The following ANKEF1 variants were observed in gnomAD, a reference collection of about 807,000 sequenced individuals.
The protein encoded by ANKEF1 is ankyrin repeat and EF-hand domain containing 1.
ANKEF1 carries 43 observed loss-of-function variants against 65.1 expected under a neutral mutation model. The ratio of observed to expected loss-of-function variants is 0.66; its 90% confidence interval spans 0.52 to 0.85. The LOEUF (loss-of-function observed/expected upper bound fraction) is 0.85. Among genes scored for constraint, ANKEF1 ranks in the 40% least tolerant of loss-of-function variants. The pLI, the probability that ANKEF1 is intolerant of heterozygous loss-of-function variation, is 0.00. For missense variants in ANKEF1, 934 were observed against 952.9 expected (o/e 0.98, Z 0.26); for synonymous variants, 316 against 341.5 (o/e 0.93, Z 0.82).
intron 8 of ANKEF1, 43 bp from the exon 9 acceptor site, chr20:10,053,069 A>G (rs750228630): frequency 1.3e-6 from 2 of 1,524,812 alleles, no homozygotes; most frequent in Non-Finnish European, 1.8e-6. Flanking sequence ...TTTATCATTA[A>G]TATGTTTATA....
At chr20:10,055,264 C>T (rs796905891) in intron 10 of ANKEF1, among the ~76,000 whole-genome samples, 6 of 152,038 alleles carry the variant, frequency 3.9e-5, no homozygotes, top group Non-Finnish European at 5.9e-5. Flanking sequence ...ATAATATTTC[C>T]GACATTATTT....
intron 6 of ANKEF1, 90 bp from the exon 7 acceptor site, chr20:10,049,300 G>T: frequency 8.0e-7 from 1 of 1,246,164 alleles, no homozygotes; most frequent in Non-Finnish European, 1.1e-6. Flanking sequence ...TACTAATCAC[G>T]AGAAATTAAG....
At chr20:10,052,316 A>G (rs1314627223) in intron 8 of ANKEF1, among the ~76,000 whole-genome samples, 1 of 84,610 alleles carries the variant, frequency 1.2e-5, no homozygotes, top group Non-Finnish European at 2.4e-5. Flanking sequence ...ACCAGTTTGC[A>G]GATGACACTG....
At chr20:10,038,699 A>G (rs1199122142) in intron 3 of ANKEF1, 52 bp downstream of exon 3, 1 of 1,389,476 alleles carries the variant, frequency 7.2e-7, no homozygotes. Flanking sequence ...TTGTAGCCAG[A>G]AAGCAATAAC....
intron 10 of ANKEF1, 113 bp from the exon 11 acceptor site, chr20:10,055,389 A>G: frequency 1.0e-6 from 1 of 974,342 alleles, no homozygotes; most frequent in Non-Finnish European, 1.5e-6. Flanking sequence ...TTAAGTTAAA[A>G]CTATAAACAA....
intron 4 of ANKEF1, among the ~76,000 whole-genome samples, chr20:10,043,723 A>G (rs539380995): frequency 1.8e-4 from 24 of 135,590 alleles, no homozygotes; most frequent in African/African-American, 6.3e-4. Context: ...CAGTGGTCCA[A>G]TCTTGGCTCA....
In ANKEF1 at chr20:10,055,694, G is replaced by A; in HGVS notation, c.*34G>A. On this transcript the variant is annotated 3_prime_UTR_variant, in exon 11 of 11. Coordinates refer to ENST00000378392, the MANE Select transcript of ANKEF1 (RefSeq NM_022096.6). The stretch of plus-strand genomic sequence containing the variant: ...AGTTATTTCTTGGGGTAAATGCTTT[G>A]AGGCCCAGGGACCAATCTTTGGAGA... The A allele has an allele frequency of 6.2e-7, 1 of 1,610,694 alleles. No homozygotes were observed. The highest frequency in any genetic ancestry group is 8.5e-7 in the Non-Finnish European group (1 of 1,177,346).
At chr20:10,043,424 G>C in intron 4 of ANKEF1, 103 bp downstream of exon 4, 3 of 1,079,372 alleles carry the variant, frequency 2.8e-6, no homozygotes, top group Non-Finnish European at 1.3e-6. Context: ...CTGATAGACT[G>C]TTCATTTTGA....
chr20:10,053,417 T>G (rs1984980255), intron 9 of ANKEF1, 142 bp downstream of exon 9: 2 of 608,724 alleles, frequency 3.3e-6, no homozygotes, highest in Non-Finnish European at 5.2e-6. Flanking sequence ...CATTATTATA[T>G]AGTACTTTTA....
intron 3 of ANKEF1, among the ~76,000 whole-genome samples, chr20:10,041,662 A>G (rs909806001): frequency 6.6e-6 from 1 of 152,190 alleles, no homozygotes; most frequent in Admixed American, 6.5e-5. Flanking sequence ...AATTTTTGAT[A>G]AATTATATTA....
At chr20:10,045,253 C>T (rs748829025) in intron 5 of ANKEF1, among the ~76,000 whole-genome samples, 2 of 152,086 alleles carry the variant, frequency 1.3e-5, no homozygotes, top group African/African-American at 4.8e-5. Flanking sequence ...AATGGTAGTG[C>T]CCCCTCTAAG....
intron 5 of ANKEF1, 115 bp downstream of exon 5, chr20:10,044,658 T>TA: frequency 2.2e-6 from 2 of 919,196 alleles, no homozygotes; most frequent in Non-Finnish European, 3.1e-6. Flanking sequence ...CTGAGTTACC[T>TA]ATGTTGTTTT....
Position 10,053,200 on chromosome 20 carries a change from A to T in ANKEF1, c.1959A>T (p.Pro653=). ...IKEKLDNLPK[P]AENQKLKGKT... ...AAAAGCTAGATAACTTGCCGAAACC[A>T]GCAGAAAATCAAAAACTAAAAGGCA... is the stretch of plus-strand genomic sequence containing the variant. The change falls in exon 9 of 11, where the codon CCA becomes CCT. Residue 653 remains proline (P), a synonymous_variant. Transcript: ENST00000378392. The T allele has an allele frequency of 3.1e-6, 5 of 1,613,784 alleles. No homozygotes were observed. Among genetic ancestry groups the T allele is most frequent in the Non-Finnish European group, 4.2e-6 (5 of 1,179,788 alleles).
chr20:10,051,978 T>C, intron 8 of ANKEF1, 89 bp downstream of exon 8: 1 of 1,015,334 alleles, frequency 9.8e-7, no homozygotes, highest in Non-Finnish European at 1.4e-6. Flanking sequence ...CTCGTAGGCT[T>C]GCATTGTCCA....
chr20:10,050,924 A>T (rs1198088816), intron 7 of ANKEF1, among the ~76,000 whole-genome samples: 2 of 152,170 alleles, frequency 1.3e-5, no homozygotes, highest in Non-Finnish European at 2.9e-5. Context: ...AAATATTTTT[A>T]AAATATCAAA....
At position 10,056,777 on chromosome 20, in the gene ANKEF1, A is replaced by G. The variant is rs1024700385; in HGVS notation, c.*1117A>G. The G allele has an allele frequency of 6.6e-6, 1 of 152,184 alleles. No individual in the cohort carries two copies. Among genetic ancestry groups the G allele is most frequent in the East Asian group, 1.9e-4 (1 of 5,192 alleles). 9.4% of individuals were successfully genotyped at this position (152,184 alleles called of 1,614,324 possible). Reference sequence around the variant, plus strand: ...TTACCTAACCAGATTACGATTGTGAAAATTTCAACTGTTGTTAAAGCGACT... The same window carrying G: ...TTACCTAACCAGATTACGATTGTGAGAATTTCAACTGTTGTTAAAGCGACT... On this transcript the variant is annotated 3_prime_UTR_variant, in exon 11 of 11. Coordinates refer to ENST00000378392, the MANE Select transcript of ANKEF1 (RefSeq NM_022096.6).
chr20:10,042,105 A>G (rs1240132880), intron 3 of ANKEF1, among the ~76,000 whole-genome samples: 1 of 152,130 alleles, frequency 6.6e-6, no homozygotes, highest in Admixed American at 6.5e-5. Flanking sequence ...AGCTTTACCT[A>G]GGCATGCCTT....
chr20:10,037,419 T>C (rs1224832587), intron 2 of ANKEF1, among the ~76,000 whole-genome samples: 1 of 152,122 alleles, frequency 6.6e-6, no homozygotes, highest in Non-Finnish European at 1.5e-5. Context: ...GGGCTGCTGA[T>C]TGGTTGATGT....
At position 10,050,085 on chromosome 20, in the gene ANKEF1, G is replaced by C. The variant is rs1984762144; in HGVS notation, c.1516G>C (p.Ala506Pro). 1.2e-6 allele frequency: 2 copies of C among 1,613,998 alleles called. No homozygotes were observed. Among genetic ancestry groups the C allele is most frequent in the African/African-American group, 1.3e-5 (1 of 74,904 alleles). ...TATTATCACCAAAGCAGGGGATCTGGCTTCTCTGAAAAAGGCCTTTGAATC... is the reference window on the plus strand; with the variant it reads ...TATTATCACCAAAGCAGGGGATCTGCCTTCTCTGAAAAAGGCCTTTGAATC... Reference protein sequence around the residue: ...INIITKAGDLASLKKAFESGI... With the variant: ...INIITKAGDLPSLKKAFESGI... Residue 506 changes from alanine (A) to proline (P), a missense_variant, in exon 7 of 11, where the codon GCT becomes CCT. Ala to Pro is a conservative substitution (Grantham distance 27). Transcript: ENST00000378392.
Sources: allele counts gnomAD v4.1 joint callset (sites outside exome capture counted in the v4.1 genomes callset), GRCh38; gene constraint gnomAD v4.1.1; transcripts MANE v1.5; gene names NCBI Gene and HGNC (gene_info 2026-07-23, HGNC 2026-07-21).